Variants in APC observed in about 807,000 individuals in gnomAD.
The protein encoded by APC is APC regulator of Wnt signaling pathway, also known as adenomatous polyposis coli protein.
In APC, 72 loss-of-function variants were observed where a neutral mutation model predicts 247.0. That is an observed-to-expected ratio of 0.29 (90% CI 0.24 to 0.35). The LOEUF (loss-of-function observed/expected upper bound fraction) is 0.35, where lower values mean the gene tolerates loss of function less well. APC is among the 10% of genes least tolerant of loss of function. APC has a pLI of 1.00. For missense variants in APC, 3,400 were observed against 3,360.7 expected (o/e 1.01, Z -0.29); for synonymous variants, 1,254 against 1,162.5 (o/e 1.08, Z -1.60).
At chr5:112,735,184 TA>T (rs1359341664), upstream of APC, among the ~76,000 whole-genome samples, 1 of 151,750 alleles carries the variant, frequency 6.6e-6, no homozygotes, top group Non-Finnish European at 1.5e-5. Flanking sequence ...TCAGAAAAAA[TA>T]TATATATCTT....
intron 1 of APC, among the ~76,000 whole-genome samples, chr5:112,727,326 G>A (rs1751843314): frequency 6.6e-6 from 1 of 151,998 alleles, no homozygotes. Context: ...TTTCAAAAAG[G>A]AAGAAAATGG....
At position 112,841,190 on chromosome 5, in the gene APC, G is replaced by A. The variant is rs1765988352; in HGVS notation, c.5596G>A (p.Asp1866Asn). ...ACGAAATGATTCTTTGAGTTCTCTA[G>A]ATTTTGATGATGATGATGTTGACCT... ...FSRNDSLSSL[D>N]FDDDDVDLSR... Residue 1866 changes from aspartate (D) to asparagine (N), a missense_variant, in exon 16 of 16, where the codon GAT becomes AAT. Asp to Asn is a conservative substitution (Grantham distance 23). This residue lies in a region of APC where 1,788 missense variants were observed against 1,649.5 expected (regional missense o/e 1.08). Transcript: ENST00000257430. This position sits in a 1 kb window ranked among gnomAD's most constrained non-coding sequence, Gnocchi z 4.6. The A allele has an allele frequency of 6.2e-7, 1 of 1,613,836 alleles. No homozygotes were observed.
intron 1 of APC, among the ~76,000 whole-genome samples, chr5:112,752,078 G>A (rs1754447421): frequency 6.6e-6 from 1 of 151,894 alleles, no homozygotes; most frequent in Non-Finnish European, 1.5e-5. Flanking sequence ...TTTGGGATCA[G>A]TTCTGATAGA....
intron 1 of APC, among the ~76,000 whole-genome samples, chr5:112,744,184 C>T (rs930113907): frequency 1.3e-5 from 2 of 152,048 alleles, no homozygotes; most frequent in East Asian, 3.9e-4. Flanking sequence ...ACCCATAACA[C>T]TCCCTTAATA....
At chr5:112,830,336 A>C (rs184759550) in intron 14 of APC, among the ~76,000 whole-genome samples, 20 of 104,802 alleles carry the variant, frequency 1.9e-4, no homozygotes, top group Non-Finnish European at 1.2e-4. Context: ...TCATCAGGGA[A>C]TACAAATTAA....
intron 1 of APC, among the ~76,000 whole-genome samples, chr5:112,716,036 C>G (rs888310838): frequency 2.0e-5 from 3 of 152,050 alleles, no homozygotes; most frequent in Non-Finnish European, 4.4e-5. Flanking sequence ...CACCAGAGAT[C>G]AGTAGTCTTT....
At chr5:112,756,782 A>T (rs1430188588) in intron 2 of APC, among the ~76,000 whole-genome samples, 2 of 152,208 alleles carry the variant, frequency 1.3e-5, no homozygotes, top group Admixed American at 1.3e-4. Flanking sequence ...TCTACAGTGG[A>T]ATATCTAGTT....
chr5:112,834,038 A>G (rs927607923), intron 14 of APC, among the ~76,000 whole-genome samples: 2 of 150,408 alleles, frequency 1.3e-5, no homozygotes, highest in Non-Finnish European at 3.0e-5. Flanking sequence ...TGCAGCCTTG[A>G]CCTCCCAGGC....
At chr5:112,808,387 T>C (rs1462529934) in intron 8 of APC, among the ~76,000 whole-genome samples, 1 of 152,222 alleles carries the variant, frequency 6.6e-6, no homozygotes, top group Non-Finnish European at 1.5e-5. Flanking sequence ...TCTTTTTGTT[T>C]TACGGCCATT....
chr5:112,805,203 A>G lies in APC; in HGVS notation c.834+3820A>G, dbSNP rs144063065. On this transcript the variant is annotated intron_variant, in intron 8 of 15. Coordinates refer to ENST00000257430, the MANE Select transcript of APC (RefSeq NM_000038.6). Reference sequence around the variant, plus strand: ...TTTTTTGTAATGAACATGTATTACTATAATTTATAACACCCAAAACCCATT... The same window carrying G: ...TTTTTTGTAATGAACATGTATTACTGTAATTTATAACACCCAAAACCCATT... Among the ~76,000 whole-genome samples, 4 of 152,194 alleles carry G rather than the reference A, an allele frequency of 2.6e-5. 1 individual carries two copies. The East Asian group carries it at 7.7e-4, about 29-fold the overall frequency.
rs1760111449 is a variant in APC, at chr5:112,795,420, A to G, written c.729+2891A>G. 2.0e-5 allele frequency among the ~76,000 whole-genome samples: 3 copies of G among 152,212 alleles called. No homozygotes were observed. The South Asian group carries it at 6.2e-4, about 31-fold the overall frequency. On this transcript the variant is annotated intron_variant, in intron 7 of 15. Transcript: ENST00000257430. ...GAAATTTTATTCTGTAGGCATGATT[A>G]ATTAAATAATTGGCCACATGAGGAT...
intron 1 of APC, chr5:112,708,007 C>G (rs1483928108): frequency 4.0e-6 from 4 of 996,258 alleles, no homozygotes; most frequent in Non-Finnish European, 5.2e-6. Context: ...ATGTCTCACC[C>G]TCTCCCCTCC....
intron 2 of APC, among the ~76,000 whole-genome samples, chr5:112,759,575 C>T (rs948983475): frequency 1.3e-5 from 2 of 152,004 alleles, no homozygotes; most frequent in East Asian, 3.9e-4. Context: ...CCAGGATGTT[C>T]TCAATTTCTT....
intron 7 of APC, 64 bp downstream of exon 7, chr5:112,792,593 C>T (rs2149685295): frequency 8.3e-7 from 1 of 1,197,904 alleles, no homozygotes; most frequent in Non-Finnish European, 1.2e-6. Context: ...GAAAAGAAAA[C>T]ATGTATAATT....
chr5:112,747,212 A>G (rs1042298707), intron 1 of APC, among the ~76,000 whole-genome samples: 2 of 149,974 alleles, frequency 1.3e-5, no homozygotes, highest in African/African-American at 4.9e-5. Context: ...TTGATGTGAA[A>G]GATACAGAGG....
chr5:112,833,053 T>C (rs1016328741), intron 14 of APC, among the ~76,000 whole-genome samples: 3 of 151,968 alleles, frequency 2.0e-5, no homozygotes, highest in African/African-American at 7.3e-5. Context: ...CTTTTGCTTT[T>C]GCTTTTGCTT....
intron 4 of APC, among the ~76,000 whole-genome samples, chr5:112,775,316 A>T (rs926650925): frequency 6.6e-6 from 1 of 152,080 alleles, no homozygotes; most frequent in East Asian, 1.9e-4. Flanking sequence ...GTTTTGTTAT[A>T]TGTGTATCTT....
intron 1 of APC, among the ~76,000 whole-genome samples, chr5:112,725,083 A>G (rs1189508386): frequency 6.6e-6 from 1 of 152,028 alleles, no homozygotes; most frequent in East Asian, 1.9e-4. Flanking sequence ...TCCTGGATTC[A>G]AGCCATTCTC....
chr5:112,835,536 C>G (rs566492333), intron 15 of APC, among the ~76,000 whole-genome samples: 23 of 150,850 alleles, frequency 1.5e-4, no homozygotes, highest in Non-Finnish European at 3.0e-4. Flanking sequence ...TAAAGGTTCA[C>G]ATTTTTCTAA....
Sources: gnomAD v4.1 joint callset for allele counts (sites outside exome capture counted in the v4.1 genomes callset) on GRCh38, gnomAD v4.1.1 for gene constraint, gnomAD v4.1.1 regional missense constraint, Gnocchi (gnomAD v3.1) non-coding constraint, MANE v1.5 for transcripts, NCBI Gene and HGNC (gene_info 2026-07-23, HGNC 2026-07-21) for gene names.